PCDHGA7: variants seen among roughly 807,000 people sequenced by gnomAD.
The protein encoded by PCDHGA7 is protocadherin gamma-A7.
Under a neutral mutation model 58.3 loss-of-function variants are expected in PCDHGA7, and 44 were observed. The observed-to-expected ratio is 0.75, with a 90% CI of 0.59 to 0.97. PCDHGA7 has a LOEUF of 0.97. Among genes scored for constraint, PCDHGA7 ranks in the 50% least tolerant of loss-of-function variants. The pLI, the probability that PCDHGA7 is intolerant of heterozygous loss-of-function variation, is 0.00. For synonymous variants in PCDHGA7, 516 were observed against 504.2 expected, an observed-to-expected ratio of 1.02 and a Z score of -0.31; for missense variants, 1,266 against 1,188.7, an observed-to-expected ratio of 1.06 and a Z score of -0.96.
At position 141,500,184 on chromosome 5, in the gene PCDHGA7, TTTTATTTATTTATTTA is replaced by T. The variant is rs58019021; in HGVS notation, c.2484-5182_2484-5167del. Among the ~76,000 whole-genome samples the T allele has an allele frequency of 2.1e-3, 289 of 135,964 alleles. 1 individual carries two copies. Among genetic ancestry groups the T allele is most frequent in the Middle Eastern group, 0.016 (4 of 248 alleles). The allele number at this position is 135,964 out of a possible 152,430, so 89.2% of individuals were successfully genotyped here. A position where few individuals can be genotyped will look rare whatever the true frequency, so the allele number is the denominator to read the frequency against. On this transcript the variant is annotated intron_variant, in intron 2 of 3. Coordinates refer to ENST00000518325, the MANE Select transcript of PCDHGA7 (RefSeq NM_018920.4). ...GAACATGCATGAGCTTCATTTTTAT[TTTTATTTATTTATTTA>T]TTTATTTATTTATTTATTTATTTAT...
At chr5:141,402,407 A>G (rs1365068565) in intron 1 of PCDHGA7, among the ~76,000 whole-genome samples, 1 of 152,106 alleles carries the variant, frequency 6.6e-6, no homozygotes, top group African/African-American at 2.4e-5. Context: ...AATTGTTAAG[A>G]TACACAGAAA....
chr5:141,498,294 G>A (rs2099782964), intron 2 of PCDHGA7, among the ~76,000 whole-genome samples: 1 of 151,910 alleles, frequency 6.6e-6, no homozygotes, highest in African/African-American at 2.4e-5. Flanking sequence ...GATCAAGCCA[G>A]CTCTGGGTCA....
rs1430298222 is a variant in PCDHGA7, at chr5:141,476,741, A to C, written c.2425-18066A>C. ...CGCCCTGGACCGAGAACGGGAGCCTAGTCTCCAGTTAGTGCTGACGGCGTT... is the reference window on the plus strand; with the variant it reads ...CGCCCTGGACCGAGAACGGGAGCCTCGTCTCCAGTTAGTGCTGACGGCGTT... On this transcript the variant is annotated intron_variant, in intron 1 of 3. Coordinates refer to ENST00000518325, the MANE Select transcript of PCDHGA7 (RefSeq NM_018920.4). The surrounding 1 kb of genome is among the most constrained non-coding windows in gnomAD (Gnocchi z 7.6). 1 of 1,613,936 alleles carries C rather than the reference A, an allele frequency of 6.2e-7. No homozygotes were observed. Among genetic ancestry groups the C allele is most frequent in the South Asian group, 1.1e-5 (1 of 91,088 alleles).
intron 1 of PCDHGA7, among the ~76,000 whole-genome samples, chr5:141,435,770 C>G (rs1445835726): frequency 6.6e-6 from 1 of 152,070 alleles, no homozygotes; most frequent in Non-Finnish European, 1.5e-5. Context: ...TTGGTGAATT[C>G]TGTAAAGGTG....
In PCDHGA7 at chr5:141,476,574, G is replaced by C. The variant is rs746783993; in HGVS notation, c.2425-18233G>C. The C allele has an allele frequency of 1.1e-5, 18 of 1,614,084 alleles. No homozygotes were observed. The Admixed American group carries it at 1.8e-4, about 16-fold the overall frequency. On this transcript the variant is annotated intron_variant, in intron 1 of 3. Coordinates refer to ENST00000518325, the MANE Select transcript of PCDHGA7 (RefSeq NM_018920.4). The surrounding 1 kb of genome is among the most constrained non-coding windows in gnomAD (Gnocchi z 7.6). ...AGCGAGGCCGTGGCTCCGGGGACGC[G>C]CTTTCCGCTCGAGAGCGCGCACGAT...
intron 1 of PCDHGA7, among the ~76,000 whole-genome samples, chr5:141,459,176 T>C (rs2098962762): frequency 6.6e-6 from 1 of 152,210 alleles, no homozygotes. Context: ...CTTCAAAAGT[T>C]CCCTCATGCC....
At chr5:141,425,018 T>C (rs2096853023) in intron 1 of PCDHGA7, among the ~76,000 whole-genome samples, 1 of 152,224 alleles carries the variant, frequency 6.6e-6, no homozygotes, top group Non-Finnish European at 1.5e-5. Context: ...TTTAGGAATT[T>C]ACCTTATGTC....
In PCDHGA7 at chr5:141,456,878, G is replaced by T. The variant is rs71583646; in HGVS notation, c.2425-37929G>T. On this transcript the variant is annotated intron_variant, in intron 1 of 3. Coordinates refer to ENST00000518325, the MANE Select transcript of PCDHGA7 (RefSeq NM_018920.4). ...ATTGGGAGGCTGAGGCAGGAGAATCGCTTGAACCCGGGAGGCAGAGGTTGC... is the reference window on the plus strand; with the variant it reads ...ATTGGGAGGCTGAGGCAGGAGAATCTCTTGAACCCGGGAGGCAGAGGTTGC... Among the ~76,000 whole-genome samples, 307 of 152,160 alleles carry T rather than the reference G, an allele frequency of 2.0e-3. 1 individual carries two copies. The highest frequency in any genetic ancestry group is 0.01 in the Middle Eastern group (3 of 294).
chr5:141,421,194 C>G, intron 1 of PCDHGA7: 1 of 1,498,922 alleles, frequency 6.7e-7, no homozygotes, highest in South Asian at 1.3e-5. Context: ...CCAACCAGCT[C>G]GAGAAACCGC....
chr5:141,456,878 G>A (rs71583646), intron 1 of PCDHGA7, among the ~76,000 whole-genome samples: 21 of 152,162 alleles, frequency 1.4e-4, no homozygotes, highest in African/African-American at 2.4e-4. Flanking sequence ...CAGGAGAATC[G>A]CTTGAACCCG....
At chr5:141,410,038 T>C (rs1364065272) in intron 1 of PCDHGA7, 2 of 1,613,086 alleles carry the variant, frequency 1.2e-6, no homozygotes, top group African/African-American at 1.3e-5. Flanking sequence ...TGCAGGCCAG[T>C]GAGCCCGGAC....
intron 1 of PCDHGA7, among the ~76,000 whole-genome samples, chr5:141,457,729 T>A (rs950979422): frequency 2.0e-5 from 3 of 152,236 alleles, no homozygotes; most frequent in Non-Finnish European, 4.4e-5. Context: ...GAATTTCAGA[T>A]TAGACTTTTA....
chr5:141,418,848 G>T (rs770294020), intron 1 of PCDHGA7: 1 of 1,613,954 alleles, frequency 6.2e-7, no homozygotes, highest in Non-Finnish European at 8.5e-7. Flanking sequence ...CTCTCAACAC[G>T]GTGTAAAGTA....
rs569260568 is a variant in PCDHGA7, at chr5:141,408,294, A to G, written c.2424+22971A>G. The G allele has an allele frequency of 2.0e-5, 33 of 1,613,508 alleles. No homozygotes were observed. The East Asian group carries it at 7.1e-4, about 35-fold the overall frequency. ...CCTTTGTTCTACCCCACCCTGAGTG[A>G]GCCGATCCGCTACTCGATTCCGGAG... is the stretch of plus-strand genomic sequence containing the variant. On this transcript the variant is annotated intron_variant, in intron 1 of 3. Coordinates refer to ENST00000518325, the MANE Select transcript of PCDHGA7 (RefSeq NM_018920.4).
At chr5:141,393,989 T>G in intron 1 of PCDHGA7, 1 of 1,613,634 alleles carries the variant, frequency 6.2e-7, no homozygotes, top group Non-Finnish European at 8.5e-7. Flanking sequence ...ATTTACCTTT[T>G]AAATTAGAAA....
rs1491285973 is a variant in PCDHGA7, at chr5:141,415,739, GGT to G, written c.2424+30417_2424+30418del. 5.5e-5 allele frequency: 24 copies of G among 435,136 alleles called. No individual in the cohort carries two copies. The African/African-American group carries it at 7.2e-4, about 13-fold the overall frequency. 27.0% of individuals were successfully genotyped at this position (435,136 alleles called of 1,614,324 possible). A position where few individuals can be genotyped will look rare whatever the true frequency, so the allele number is the denominator to read the frequency against. On this transcript the variant is annotated intron_variant, in intron 1 of 3. Transcript: ENST00000518325. Reference sequence around the variant, plus strand: ...ATGAGTAGAATTTGATGTTTATTAAGGTTTTTTTTTTTTTTTTTTTTTTTTTT... The same window carrying G: ...ATGAGTAGAATTTGATGTTTATTAAGTTTTTTTTTTTTTTTTTTTTTTTTT...
Position 141,408,894 on chromosome 5 carries a change from C to T in PCDHGA7, c.2424+23571C>T, listed in dbSNP as rs778126197. 71 of 1,613,186 alleles carry T rather than the reference C, an allele frequency of 4.4e-5. No homozygotes were observed. The Middle Eastern group carries it at 4.9e-4, about 11-fold the overall frequency. ...AGTGCCACCGCTCACATAGAAATTT[C>T]TGTCAAGGATACCAATGATAACCCC... On this transcript the variant is annotated intron_variant, in intron 1 of 3. Transcript: ENST00000518325.
Position 141,490,888 on chromosome 5 carries a change from C to G in PCDHGA7, c.2425-3919C>G. The G allele has an allele frequency of 1.2e-6, 2 of 1,613,358 alleles. No individual in the cohort carries two copies. The highest frequency in any genetic ancestry group is 1.7e-6 in the Non-Finnish European group (2 of 1,179,390). On this transcript the variant is annotated intron_variant, in intron 1 of 3. Transcript: ENST00000518325. This position sits in a 1 kb window ranked among gnomAD's most constrained non-coding sequence, Gnocchi z 5.4. Reference sequence around the variant, plus strand: ...TCCCCCATTGCATGCCAACACATCTCTGCATGTGTTTGTCCTAGACGAGAA... The same window carrying G: ...TCCCCCATTGCATGCCAACACATCTGTGCATGTGTTTGTCCTAGACGAGAA...
At chr5:141,474,607 A>C (rs1334447439) in intron 1 of PCDHGA7, among the ~76,000 whole-genome samples, 1 of 152,238 alleles carries the variant, frequency 6.6e-6, no homozygotes, top group Non-Finnish European at 1.5e-5. Context: ...TAGGTCACAT[A>C]TGGCTTTTCA....
Sources: gnomAD v4.1 joint callset for allele counts (sites outside exome capture counted in the v4.1 genomes callset) on GRCh38, gnomAD v4.1.1 for gene constraint, Gnocchi (gnomAD v3.1) non-coding constraint, MANE v1.5 for transcripts, NCBI Gene and HGNC (gene_info 2026-07-23, HGNC 2026-07-21) for gene names.